USP9Y: variants seen among roughly 807,000 people sequenced by gnomAD.
USP9Y encodes ubiquitin specific peptidase 9 Y-linked.
In USP9Y, 41 loss-of-function variants were observed where a neutral mutation model predicts 53.1. The ratio of observed to expected loss-of-function variants is 0.77; its 90% confidence interval spans 0.60 to 1.00. The LOEUF is 1.00. USP9Y is among the 50% of genes least tolerant of loss of function. The pLI is 0.00. For missense variants in USP9Y, 567 were observed against 535.8 expected (o/e 1.06, Z -0.58); for synonymous variants, 220 against 173.7 (o/e 1.27, Z -2.09).
At chrY:12,740,310 T>G in intron 12 of USP9Y, among the ~76,000 whole-genome samples, 1 of 33,460 alleles carries the variant, frequency 3.0e-5, no homozygotes, top group Admixed American at 2.7e-4. Flanking sequence ...ATATGTTCAC[T>G]AAGGAATGTT....
intron 15 of USP9Y, among the ~76,000 whole-genome samples, chrY:12,767,367 C>T: frequency 3.0e-5 from 1 of 33,041 alleles, no homozygotes; most frequent in Non-Finnish European, 7.4e-5. Context: ...GCATCTTTTC[C>T]TATAATTTCT....
At chrY:12,704,837 C>T in intron 1 of USP9Y, among the ~76,000 whole-genome samples, 1 of 32,867 alleles carries the variant, frequency 3.0e-5, no homozygotes, top group African/African-American at 1.2e-4. Context: ...GGTTGTATAT[C>T]CCTTCTTTCA....
Position 12,720,571 on chromosome Y carries a change from A to T in USP9Y, c.97-18A>T. The T allele has an allele frequency of 2.6e-6, 1 of 384,173 alleles. No homozygotes were observed. Among genetic ancestry groups the T allele is most frequent in the Non-Finnish European group, 3.7e-6 (1 of 273,806 alleles). Reference sequence around the variant, plus strand: ...TTAATCTGTGGTTTAAATTTGGAATATTTAATTTTTAATTAAGACTTCATC... The same window carrying T: ...TTAATCTGTGGTTTAAATTTGGAATTTTTAATTTTTAATTAAGACTTCATC... On this transcript the variant is annotated intron_variant, in intron 3 of 45. Transcript: ENST00000338981.
At chrY:12,748,106 A>T in intron 12 of USP9Y, among the ~76,000 whole-genome samples, 4 of 32,804 alleles carry the variant, frequency 1.2e-4, no homozygotes. Context: ...AGTGAGCCGC[A>T]CTGCGGCACT....
chrY:12,777,625 T>C, intron 19 of USP9Y, among the ~76,000 whole-genome samples: 1 of 33,496 alleles, frequency 3.0e-5, no homozygotes, highest in Non-Finnish European at 7.4e-5. Flanking sequence ...AAATGTGCAT[T>C]TTAGCATTTT....
intron 33 of USP9Y, among the ~76,000 whole-genome samples, chrY:12,832,483 C>T: frequency 3.0e-5 from 1 of 32,972 alleles, no homozygotes; most frequent in Admixed American, 2.8e-4. Flanking sequence ...GTCCTGTTGA[C>T]TTGTACTGAC....
At chrY:12,826,244 C>T in intron 33 of USP9Y, among the ~76,000 whole-genome samples, 1 of 30,390 alleles carries the variant, frequency 3.3e-5, no homozygotes, top group Non-Finnish European at 7.9e-5. Context: ...GGCCAGTAAA[C>T]GGTATATTTT....
intron 5 of USP9Y, 124 bp from the exon 6 acceptor site, chrY:12,724,989 A>G: frequency 5.9e-6 from 1 of 170,089 alleles, no homozygotes; most frequent in Non-Finnish European, 1.1e-5. Context: ...GTCATGTCTC[A>G]TTTCAAAAGC....
At chrY:12,784,014 G>A in intron 22 of USP9Y, among the ~76,000 whole-genome samples, 1 of 33,363 alleles carries the variant, frequency 3.0e-5, no homozygotes. Context: ...CTAATGCCAG[G>A]CTGCCATGCA....
chrY:12,839,090 A>G (rs780567997), intron 35 of USP9Y, among the ~76,000 whole-genome samples: 12 of 34,057 alleles, frequency 3.5e-4, no homozygotes, highest in South Asian at 2.5e-3. Context: ...GTACCTTTTT[A>G]TAAGACAGTG....
At position 12,735,675 on chromosome Y, in the gene USP9Y, CG is replaced by C; in HGVS notation, c.722del (p.Arg241LeufsTer8). The C allele has an allele frequency of 2.5e-6, 1 of 393,935 alleles. No homozygotes were observed. The highest frequency in any genetic ancestry group is 3.6e-6 in the Non-Finnish European group (1 of 280,926). ...TLNGFQILHDRFFNGSALNIQ... is the reference protein window; with the variant it reads ...TLNGFQILHDXFFNGSALNIQ... ...AAATGGGTTCCAGATTTTGCATGAT[CG>C]TTTTTTTAATGGATCAGCATTAAAT... is the stretch of plus-strand genomic sequence containing the variant. On this transcript the variant is annotated frameshift_variant, in exon 8 of 46. Transcript: ENST00000338981. LOFTEE classifies it high-confidence loss of function.
chrY:12,833,159 T>C (rs2053551791), intron 33 of USP9Y, among the ~76,000 whole-genome samples: 1 of 32,988 alleles, frequency 3.0e-5, no homozygotes, highest in African/African-American at 1.2e-4. Context: ...TCATTTTGTA[T>C]ACTTATCATT....
At chrY:12,714,465 G>A in intron 3 of USP9Y, among the ~76,000 whole-genome samples, 1 of 32,059 alleles carries the variant, frequency 3.1e-5, no homozygotes, top group South Asian at 7.1e-4. Context: ...TTTGGAGACA[G>A]GCTATCACTG....
rs745763160 is a variant in USP9Y at position 12,773,847 on chromosome Y, A to T, written c.2253A>T (p.Arg751=). The T allele has an allele frequency of 5.0e-6, 2 of 398,545 alleles. No individual in the cohort carries two copies. The highest frequency in any genetic ancestry group is 7.1e-6 in the Non-Finnish European group (2 of 283,372). The change falls in exon 17 of 46, where the codon CGA becomes CGT. Residue 751 remains arginine, a synonymous_variant. Coordinates refer to ENST00000338981, the MANE Select transcript of USP9Y (RefSeq NM_004654.4). The stretch of plus-strand genomic sequence containing the variant: ...GATTTTTCAAAGCTGTCAATTGTCG[A>T]GAAAGGAAACTAATAGCAAAAAGAA... The part of the protein sequence containing the change: ...FERFFKAVNC[R]ERKLIAKRRS...
At position 12,859,371 on chromosome Y, in the gene USP9Y, T is replaced by G; in HGVS notation, c.7623T>G (p.Tyr2541Ter). Residue 2541 changes from tyrosine to a stop codon, truncating the protein, a stop_gained, in exon 46 of 46, where the codon TAT (tyrosine) becomes TAG (stop). Transcript: ENST00000338981. LOFTEE classifies it high-confidence loss of function. ...CAGGCCAACGAACACAAGAAAATTA[T>G]GAAGGCAATGAAGAAGTATCCTCAC... is the stretch of plus-strand genomic sequence containing the variant. ...QKTGQRTQEN[Y>*]EGNEEVSSPQ... 2.5e-6 allele frequency: 1 copy of G among 398,018 alleles called. No homozygotes were observed. The highest frequency in any genetic ancestry group is 7.5e-5 in the Admixed American group (1 of 13,385).
intron 15 of USP9Y, among the ~76,000 whole-genome samples, chrY:12,767,377 T>C: frequency 3.0e-5 from 1 of 33,340 alleles, no homozygotes; most frequent in Non-Finnish European, 7.4e-5. Flanking sequence ...CTATAATTTC[T>C]TCTTATAATT....
intron 12 of USP9Y, among the ~76,000 whole-genome samples, chrY:12,744,100 GAGTGAAAAT>G (rs2053458950): frequency 3.0e-5 from 1 of 33,531 alleles, no homozygotes; most frequent in African/African-American, 1.2e-4. Context: ...GGTGGGATTG[GAGTGAAAAT>G]TTAATAAGTG....
chrY:12,722,443 A>G (rs2053436842), intron 5 of USP9Y, among the ~76,000 whole-genome samples: 1 of 32,887 alleles, frequency 3.0e-5, no homozygotes. Flanking sequence ...AAAGGTTCAT[A>G]GAAATCTTTA....
Position 12,840,304 on chromosome Y carries a change from G to C in USP9Y, c.5778G>C (p.Glu1926Asp). 1 of 398,740 alleles carries C rather than the reference G, an allele frequency of 2.5e-6. No individual in the cohort carries two copies. The highest frequency in any genetic ancestry group is 3.5e-6 in the Non-Finnish European group (1 of 283,530). ...EEMKNQCFGG[E>D]YMGEVFDHMM... is the part of the protein sequence containing the mutation. ...TGAAAAATCAGTGTTTTGGTGGAGA[G>C]TACATGGGAGAAGTATTTGATCACA... is the stretch of plus-strand genomic sequence containing the variant. The change falls in exon 36 of 46, where the codon GAG (glutamate) becomes GAC (aspartate). Residue 1926 changes from glutamate to aspartate, a missense_variant. Glu to Asp is a conservative substitution (Grantham distance 45). Coordinates refer to ENST00000338981, the MANE Select transcript of USP9Y (RefSeq NM_004654.4).
Sources: allele counts gnomAD v4.1 joint callset (sites outside exome capture counted in the v4.1 genomes callset), GRCh38; gene constraint gnomAD v4.1.1; transcripts MANE v1.5; gene names NCBI Gene and HGNC (gene_info 2026-07-23, HGNC 2026-07-21).